TPD52: variants seen among roughly 807,000 people sequenced by gnomAD.
TPD52 encodes the protein tumor protein D52.
Under a neutral mutation model 31.3 loss-of-function variants are expected in TPD52, and 17 were observed. The observed-to-expected ratio is 0.54, with a 90% confidence interval of 0.37 to 0.82. The LOEUF (loss-of-function observed/expected upper bound fraction) is 0.82, where lower values mean the gene tolerates loss of function less well. TPD52 is among the 40% of genes least tolerant of loss of function. TPD52 has a pLI of 0.00. For missense variants in TPD52, 212 were observed against 240.1 expected (o/e 0.88, Z 0.77); for synonymous variants, 83 against 89.6 (o/e 0.93, Z 0.42).
intron 6 of TPD52, among the ~76,000 whole-genome samples, chr8:80,043,497 A>C (rs1251001585): frequency 6.6e-6 from 1 of 152,144 alleles, no homozygotes; most frequent in Non-Finnish European, 1.5e-5. Context: ...AACAGCTCTC[A>C]AAGTGTGGGC....
chr8:80,046,963 A>G (rs73259823), intron 5 of TPD52, among the ~76,000 whole-genome samples: 7,748 of 152,196 alleles, frequency 0.051, 637 homozygotes, highest in African/African-American at 0.17. Flanking sequence ...GGAGGAGGAG[A>G]AGGGAAAGTT....
At chr8:80,096,435 A>G (rs1816747843) in intron 1 of TPD52, among the ~76,000 whole-genome samples, 1 of 152,068 alleles carries the variant, frequency 6.6e-6, no homozygotes, top group African/African-American at 2.4e-5. Context: ...GTTTACATGT[A>G]CAGGCATACT....
intron 1 of TPD52, among the ~76,000 whole-genome samples, chr8:80,154,613 CAG>C (rs1452122611): frequency 6.6e-6 from 1 of 151,998 alleles, no homozygotes; most frequent in Non-Finnish European, 1.5e-5. Context: ...AAAATTCATA[CAG>C]AGAAACTCAA....
chr8:80,166,798 T>C (rs1811746849), intron 1 of TPD52, among the ~76,000 whole-genome samples: 2 of 151,686 alleles, frequency 1.3e-5, no homozygotes, highest in South Asian at 4.2e-4. Flanking sequence ...CCCAGCTACT[T>C]GGGAGGCTGA....
chr8:80,039,619 A>ACTTGGGTTG (rs1446722844), intron 7 of TPD52, among the ~76,000 whole-genome samples: 1 of 152,128 alleles, frequency 6.6e-6, no homozygotes, highest in Non-Finnish European at 1.5e-5. Context: ...AGAATGCACC[A>ACTTGGGTTG]CTTGGGTTGT....
At chr8:80,145,605 C>T (rs989713101) in intron 1 of TPD52, among the ~76,000 whole-genome samples, 1 of 152,172 alleles carries the variant, frequency 6.6e-6, no homozygotes, top group African/African-American at 2.4e-5. Context: ...TCCGGGCCCA[C>T]TTCATGCCCC....
rs754432386 is a variant in TPD52, at chr8:80,050,509, G to A, written c.387-38C>T. On this transcript the variant is annotated intron_variant, in intron 4 of 7. Coordinates refer to ENST00000518937, the MANE Select transcript of TPD52 (RefSeq NM_001025253.3). ...AGAGTAAGCATTAAAAAAGAAAGAAGTTCTGATAAATCTAAAACAATTAAA... is the reference window on the plus strand; with the variant it reads ...AGAGTAAGCATTAAAAAAGAAAGAAATTCTGATAAATCTAAAACAATTAAA... The A allele has an allele frequency of 6.3e-6, 10 of 1,579,370 alleles. No individual in the cohort carries two copies. In the African/African-American group the frequency reaches 9.5e-5, roughly 15 times the overall value.
At chr8:80,044,724 C>A (rs1810682006) in intron 5 of TPD52, among the ~76,000 whole-genome samples, 1 of 152,174 alleles carries the variant, frequency 6.6e-6, no homozygotes, top group Non-Finnish European at 1.5e-5. Context: ...TTAGCCATCT[C>A]CCATAAAGAC....
At chr8:80,122,632 G>T (rs1808336119) in intron 1 of TPD52, among the ~76,000 whole-genome samples, 1 of 152,132 alleles carries the variant, frequency 6.6e-6, no homozygotes, top group Non-Finnish European at 1.5e-5. Flanking sequence ...AATACCCAAA[G>T]TACATCAAAC....
In TPD52 at chr8:80,036,999, T is replaced by C. The variant is rs2130318341; in HGVS notation, c.*1117A>G. The C allele has an allele frequency of 6.6e-6, 1 of 152,662 alleles. No individual in the cohort carries two copies. Among genetic ancestry groups the C allele is most frequent in the East Asian group, 1.9e-4 (1 of 5,182 alleles). The allele number at this position is 152,662 out of a possible 1,614,324, so 9.5% of individuals were successfully genotyped here. ...ACTTTGATTCACTCAGCCCTGACAT[T>C]CAGTTTTCAAAGTAGGAGACAGGTT... On this transcript the variant is annotated 3_prime_UTR_variant, in exon 8 of 8. Transcript: ENST00000518937.
rs774336791 is a variant in TPD52, at chr8:80,171,379, CCCG to C, written c.19+43_19+45del. 3,397 of 1,589,680 alleles carry C rather than the reference CCCG, an allele frequency of 2.1e-3. 63 individuals are homozygous for C. The African/African-American group carries it at 0.037, about 17-fold the overall frequency. ...CGCCGAGCCAAAGCCCGAGTCCAAG[CCCG>C]AGTCCAAGCCCGAGCCCAAGCCCGC... On this transcript the variant is annotated intron_variant, in intron 1 of 7. Coordinates refer to ENST00000518937, the MANE Select transcript of TPD52 (RefSeq NM_001025253.3).
intron 1 of TPD52, among the ~76,000 whole-genome samples, chr8:80,078,012 T>C (rs549664266): frequency 6.6e-6 from 1 of 152,318 alleles, no homozygotes; most frequent in South Asian, 2.1e-4. Flanking sequence ...GTTCATAAAA[T>C]TTTGCTTCAG....
intron 4 of TPD52, among the ~76,000 whole-genome samples, chr8:80,050,673 A>G (rs1811283125): frequency 6.6e-6 from 1 of 152,224 alleles, no homozygotes; most frequent in African/African-American, 2.4e-5. Flanking sequence ...TTATTACATT[A>G]TGCTTAGACA....
chr8:80,084,525 G>A (rs999498529), intron 1 of TPD52, among the ~76,000 whole-genome samples: 1 of 152,214 alleles, frequency 6.6e-6, no homozygotes, highest in African/African-American at 2.4e-5. Flanking sequence ...AGGGACAGAA[G>A]GAGAAACAGA....
At chr8:80,058,257 C>T (rs1812113928) in intron 2 of TPD52, among the ~76,000 whole-genome samples, 1 of 151,958 alleles carries the variant, frequency 6.6e-6, no homozygotes, top group African/African-American at 2.4e-5. Context: ...TCCTAAAGCG[C>T]TAATTAAAGA....
At chr8:80,151,960 G>A (rs998813789) in intron 1 of TPD52, among the ~76,000 whole-genome samples, 7 of 152,144 alleles carry the variant, frequency 4.6e-5, no homozygotes, top group African/African-American at 9.7e-5. Context: ...TGTTAATTGC[G>A]CTTATGTTGA....
intron 1 of TPD52, among the ~76,000 whole-genome samples, chr8:80,109,225 T>C (rs1357557238): frequency 6.6e-6 from 1 of 152,178 alleles, no homozygotes; most frequent in African/African-American, 2.4e-5. Context: ...TTGCCTTGGT[T>C]TGGCTTCCTA....
chr8:80,080,224 C>G, intron 1 of TPD52: 1 of 1,215,948 alleles, frequency 8.2e-7, no homozygotes, highest in Non-Finnish European at 1.2e-6. Context: ...CCTGGTACAT[C>G]TTTACACTAA....
At chr8:80,141,573 C>G (rs1031421087) in intron 1 of TPD52, among the ~76,000 whole-genome samples, 10 of 152,190 alleles carry the variant, frequency 6.6e-5, no homozygotes, top group African/African-American at 2.2e-4. Context: ...AGAGCCAGAA[C>G]CACTTTCTTG....
Sources: allele counts gnomAD v4.1 joint callset (sites outside exome capture counted in the v4.1 genomes callset), GRCh38; gene constraint gnomAD v4.1.1; transcripts MANE v1.5; gene names NCBI Gene and HGNC (gene_info 2026-07-23, HGNC 2026-07-21).